Variants in LHFPL3 observed in about 807,000 individuals in gnomAD.
LHFPL3 encodes the protein LHFPL tetraspan subfamily member 3.
A neutral mutation model predicts 19.3 loss-of-function variants in LHFPL3; 5 were observed. That is an observed-to-expected ratio of 0.26 (90% CI 0.14 to 0.54). The LOEUF (loss-of-function observed/expected upper bound fraction) is 0.54. LHFPL3 is among the 20% of genes least tolerant of loss of function. The probability of loss-of-function intolerance (pLI) is 0.94; values close to 1 mark genes in which losing one functional copy is unlikely to be tolerated. For missense variants in LHFPL3, 249 were observed against 307.4 expected, an observed-to-expected ratio of 0.81 and a Z score of 1.42; for synonymous variants, 133 against 126.2, an observed-to-expected ratio of 1.05 and a Z score of -0.36.
At chr7:104,617,700 T>C (rs1161569533) in intron 1 of LHFPL3, among the ~76,000 whole-genome samples, 1 of 152,202 alleles carries the variant, frequency 6.6e-6, no homozygotes, top group South Asian at 2.1e-4. Context: ...TCTAACTTCA[T>C]ATAGCCCAAA....
chr7:104,890,376 A>G (rs1402084152), intron 2 of LHFPL3, among the ~76,000 whole-genome samples: 1 of 152,154 alleles, frequency 6.6e-6, no homozygotes, highest in Admixed American at 6.5e-5. Context: ...GGTCCTGTGC[A>G]TCTTAATCTT....
At chr7:104,863,566 A>G (rs774053428) in intron 2 of LHFPL3, among the ~76,000 whole-genome samples, 8 of 152,216 alleles carry the variant, frequency 5.3e-5, no homozygotes, top group Non-Finnish European at 1.0e-4. Flanking sequence ...TGAAAAGGTA[A>G]TTGACATTTT....
At chr7:104,341,849 T>C (rs1019834246) in intron 1 of LHFPL3, among the ~76,000 whole-genome samples, 6 of 152,068 alleles carry the variant, frequency 3.9e-5, no homozygotes, top group Admixed American at 2.0e-4. Flanking sequence ...TGTAGGATGA[T>C]ATTCTAGAGG....
chr7:104,334,607 G>C (rs190099710), intron 1 of LHFPL3, among the ~76,000 whole-genome samples: 1 of 152,158 alleles, frequency 6.6e-6, no homozygotes, highest in Non-Finnish European at 1.5e-5. Context: ...TTTGAAAGCC[G>C]TGATACTCAT....
At chr7:104,623,069 A>G (rs1400569458) in intron 1 of LHFPL3, 2 of 299,770 alleles carry the variant, frequency 6.7e-6, no homozygotes, top group Non-Finnish European at 6.9e-6. Flanking sequence ...CATTATTTCT[A>G]TATCTTCTTT....
At chr7:104,381,819 T>G (rs774315508) in intron 1 of LHFPL3, among the ~76,000 whole-genome samples, 49 of 152,234 alleles carry the variant, frequency 3.2e-4, no homozygotes, top group Admixed American at 1.2e-3. Flanking sequence ...AATATCCTGT[T>G]TATTTCATTG....
intron 1 of LHFPL3, among the ~76,000 whole-genome samples, chr7:104,572,961 A>G (rs1790255985): frequency 1.3e-5 from 2 of 152,228 alleles, no homozygotes; most frequent in South Asian, 4.1e-4. Flanking sequence ...ATTGACCACT[A>G]AATTTAACTA....
At chr7:104,549,344 T>C (rs1304462535) in intron 1 of LHFPL3, among the ~76,000 whole-genome samples, 1 of 151,932 alleles carries the variant, frequency 6.6e-6, no homozygotes, top group Non-Finnish European at 1.5e-5. Flanking sequence ...TGGTAAATAT[T>C]ATTGATTAGG....
chr7:104,495,315 C>A (rs749482354), intron 1 of LHFPL3, among the ~76,000 whole-genome samples: 1 of 152,182 alleles, frequency 6.6e-6, no homozygotes, highest in Non-Finnish European at 1.5e-5. Context: ...TGAAGTGATC[C>A]TCTCACCTTA....
At chr7:104,771,776 A>AGTTT (rs1169093344) in intron 2 of LHFPL3, among the ~76,000 whole-genome samples, 7 of 135,072 alleles carry the variant, frequency 5.2e-5, no homozygotes, top group African/African-American at 1.9e-4. Flanking sequence ...AGTTACCCTT[A>AGTTT]GTTTTATTTT....
At chr7:104,562,556 G>C (rs575011485) in intron 1 of LHFPL3, among the ~76,000 whole-genome samples, 6,667 of 151,822 alleles carry the variant, frequency 0.044, 196 homozygotes, top group African/African-American at 0.091. Context: ...GCACTTCTCT[G>C]TATTGGTTAT....
At chr7:104,385,562 A>T (rs1247098338) in intron 1 of LHFPL3, among the ~76,000 whole-genome samples, 1 of 152,174 alleles carries the variant, frequency 6.6e-6, no homozygotes, top group Non-Finnish European at 1.5e-5. Context: ...GTATGCAGCC[A>T]ATCTGTCTCT....
At chr7:104,854,857 A>G (rs746464508) in intron 2 of LHFPL3, among the ~76,000 whole-genome samples, 3 of 152,182 alleles carry the variant, frequency 2.0e-5, no homozygotes, top group Non-Finnish European at 2.9e-5. Context: ...CCTTCCTCCC[A>G]GGTCAAAAAA....
chr7:104,718,306 G>T (rs1793429209), intron 1 of LHFPL3, among the ~76,000 whole-genome samples: 2 of 152,112 alleles, frequency 1.3e-5, no homozygotes, highest in South Asian at 4.1e-4. Flanking sequence ...TACCCACAAT[G>T]AAATAAAATT....
intron 1 of LHFPL3, among the ~76,000 whole-genome samples, chr7:104,532,426 G>A (rs1326428840): frequency 6.8e-6 from 1 of 146,990 alleles, no homozygotes; most frequent in Admixed American, 7.0e-5. Context: ...TTCCCAAAGT[G>A]TTGGGGTTAT....
chr7:104,669,253 C>T, intron 1 of LHFPL3: 14 of 1,614,000 alleles, frequency 8.7e-6, no homozygotes, highest in Non-Finnish European at 1.2e-5. Flanking sequence ...GCAGCAATCC[C>T]CTACAAGTGG....
intron 1 of LHFPL3, among the ~76,000 whole-genome samples, chr7:104,550,391 T>G (rs1042259215): frequency 2.0e-5 from 3 of 151,728 alleles, no homozygotes; most frequent in Non-Finnish European, 4.4e-5. Flanking sequence ...TGTCAGGCGG[T>G]GGGATGATTG....
chr7:104,469,408 G>A (rs920500688), intron 1 of LHFPL3, among the ~76,000 whole-genome samples: 2 of 152,198 alleles, frequency 1.3e-5, no homozygotes, highest in African/African-American at 4.8e-5. Flanking sequence ...GTAGGCATTA[G>A]TTGGGAATGG....
chr7:104,892,515 A>G (rs1792270625), intron 2 of LHFPL3, among the ~76,000 whole-genome samples: 1 of 152,062 alleles, frequency 6.6e-6, no homozygotes, highest in Non-Finnish European at 1.5e-5. Flanking sequence ...GTTCAAAACC[A>G]GCCTGGCCAA....
Sources: gnomAD v4.1 joint callset for allele counts (sites outside exome capture counted in the v4.1 genomes callset) on GRCh38, gnomAD v4.1.1 for gene constraint, MANE v1.5 for transcripts, NCBI Gene and HGNC (gene_info 2026-07-23, HGNC 2026-07-21) for gene names.